Variants in STK32B observed in about 807,000 individuals in gnomAD.
STK32B encodes serine/threonine-protein kinase 32B.
A neutral mutation model predicts 52.6 loss-of-function variants in STK32B; 43 were observed. That is an observed-to-expected ratio of 0.82 (90% CI 0.64 to 1.05). The LOEUF is 1.05. Ranked by LOEUF, STK32B falls within the 50% of genes least tolerant of loss-of-function variation. The pLI, the probability that STK32B is intolerant of heterozygous loss-of-function variation, is 0.00. For missense variants in STK32B, 621 were observed against 534.6 expected, an observed-to-expected ratio of 1.16 and a Z score of -1.59; for synonymous variants, 238 against 204.3, an observed-to-expected ratio of 1.17 and a Z score of -1.41.
At chr4:5,335,163 T>C (rs1439815516) in intron 4 of STK32B, among the ~76,000 whole-genome samples, 1 of 152,242 alleles carries the variant, frequency 6.6e-6, no homozygotes, top group East Asian at 1.9e-4. Flanking sequence ...GATCCTGTTA[T>C]TGATCTATTC....
At position 5,331,291 on chromosome 4, in the gene STK32B, A is replaced by G. The variant is rs758265694; in HGVS notation, c.332A>G (p.His111Arg). The G allele has an allele frequency of 2.3e-5, 37 of 1,613,844 alleles. No individual in the cohort carries two copies. The highest frequency in any genetic ancestry group is 1.1e-5 in the Non-Finnish European group (13 of 1,179,928). Residue 111 changes from histidine (H) to arginine (R), a missense_variant, in exon 4 of 12, where the codon CAT becomes CGT. By Grantham distance (29) the His-to-Arg change is conservative. Transcript: ENST00000282908. ...DLLLGGDLRYHLQQNVHFTEG... is the reference protein window; with the variant it reads ...DLLLGGDLRYRLQQNVHFTEG... ...CTCCTGGGAGGCGACCTGCGCTACC[A>G]TCTGCAGCAGAATGTGCATTTCACA...
chr4:5,095,310 A>G (rs1213039830), intron 1 of STK32B, among the ~76,000 whole-genome samples: 1 of 152,088 alleles, frequency 6.6e-6, no homozygotes. Flanking sequence ...AATATAAATT[A>G]CCTTTTAAAA....
rs931246380 is a variant in STK32B, at chr4:5,176,359, C to T, written c.260+7909C>T. Among the ~76,000 whole-genome samples the T allele has an allele frequency of 1.4e-4, 21 of 151,236 alleles. 1 individual carries two copies. The highest frequency in any genetic ancestry group is 9.9e-4 in the Admixed American group (15 of 15,168). On this transcript the variant is annotated intron_variant, in intron 3 of 11. Coordinates refer to ENST00000282908, the MANE Select transcript of STK32B (RefSeq NM_018401.3). The stretch of plus-strand genomic sequence containing the variant: ...GTGAGATGAACCCGGTACCTCAGTT[C>T]GAAATGCAGAAATCACCGGTCTTCT...
chr4:5,177,885 G>A (rs937850211), intron 3 of STK32B, among the ~76,000 whole-genome samples: 1 of 152,242 alleles, frequency 6.6e-6, no homozygotes. Context: ...CTCTGCCTCT[G>A]TGGCTTTGCA....
rs1350299457 is a variant in STK32B, at chr4:5,202,873, C to A, written c.260+34423C>A. Reference sequence around the variant, plus strand: ...TGGAAGTGGATGACTGGGCATGGTGCCACATAAACATGGTGGGTGTCAACA... The same window carrying A: ...TGGAAGTGGATGACTGGGCATGGTGACACATAAACATGGTGGGTGTCAACA... On this transcript the variant is annotated intron_variant, in intron 3 of 11. Transcript: ENST00000282908. Among the ~76,000 whole-genome samples, 5 of 152,288 alleles carry A rather than the reference C, an allele frequency of 3.3e-5. No individual in the cohort carries two copies. In the South Asian group the frequency reaches 8.3e-4, roughly 25 times the overall value.
At chr4:5,207,636 G>A (rs1722654055) in intron 3 of STK32B, among the ~76,000 whole-genome samples, 1 of 151,868 alleles carries the variant, frequency 6.6e-6, no homozygotes, top group African/African-American at 2.4e-5. Context: ...AGAGACCAGA[G>A]AGGGAAAATA....
chr4:5,193,367 G>A (rs12506939), intron 3 of STK32B, among the ~76,000 whole-genome samples: 44,008 of 152,112 alleles, frequency 0.29, 7,269 homozygotes, highest in East Asian at 0.46. Context: ...CCTCAGCTTA[G>A]TAGATGAACA....
intron 3 of STK32B, among the ~76,000 whole-genome samples, chr4:5,222,122 C>G (rs897579729): frequency 1.3e-5 from 2 of 152,128 alleles, no homozygotes; most frequent in Non-Finnish European, 2.9e-5. Context: ...CTGCCAATGC[C>G]TTGGTCTTGG....
At position 5,151,475 on chromosome 4, in the gene STK32B, G is replaced by A. The variant is rs141072735; in HGVS notation, c.108+11515G>A. ...ATTTCATTGTTAAACTATGATAATA[G>A]CCTTGGTTATCAGGAAAGAACACAT... On this transcript the variant is annotated intron_variant, in intron 2 of 11. Coordinates refer to ENST00000282908, the MANE Select transcript of STK32B (RefSeq NM_018401.3). Among the ~76,000 whole-genome samples, 327 of 152,304 alleles carry A rather than the reference G, an allele frequency of 2.1e-3. 1 individual carries two copies. Among genetic ancestry groups the A allele is most frequent in the African/African-American group, 7.5e-3 (310 of 41,556 alleles).
At chr4:5,343,982 T>A (rs187312922) in intron 4 of STK32B, among the ~76,000 whole-genome samples, 1 of 152,216 alleles carries the variant, frequency 6.6e-6, no homozygotes. Flanking sequence ...AAAGCTATGA[T>A]TCATAGGAAA....
At chr4:5,019,700 C>G in the STK32B span, among the ~76,000 whole-genome samples, 1 of 151,962 alleles carries the variant, frequency 6.6e-6, no homozygotes, top group Non-Finnish European at 1.5e-5. Flanking sequence ...CCCACACTTT[C>G]AGCAAGAAAT....
intron 3 of STK32B, among the ~76,000 whole-genome samples, chr4:5,205,138 C>G (rs991750397): frequency 6.6e-6 from 1 of 152,190 alleles, no homozygotes; most frequent in African/African-American, 2.4e-5. Flanking sequence ...CTTGGACTTT[C>G]AGAGCTCCAG....
At chr4:5,244,110 G>A (rs1177630243) in intron 3 of STK32B, among the ~76,000 whole-genome samples, 2 of 152,106 alleles carry the variant, frequency 1.3e-5, no homozygotes, top group Admixed American at 1.3e-4. Context: ...AGTTAGGGAG[G>A]ATTCTGTCTT....
intron 3 of STK32B, among the ~76,000 whole-genome samples, chr4:5,315,946 C>G (rs1730650646): frequency 6.6e-6 from 1 of 150,698 alleles, no homozygotes; most frequent in East Asian, 1.9e-4. Flanking sequence ...CTCAGGTGAT[C>G]TGCCTGCCTC....
In STK32B at chr4:5,161,100, T is replaced by C. The variant is rs982462291; in HGVS notation, c.109-7199T>C. 2.6e-5 allele frequency among the ~76,000 whole-genome samples: 4 copies of C among 152,288 alleles called. No individual in the cohort carries two copies. In the South Asian group the frequency reaches 8.3e-4, roughly 32 times the overall value. On this transcript the variant is annotated intron_variant, in intron 2 of 11. Transcript: ENST00000282908. ...TCTGATTATCCCATTATACCTCGGGTTCCCAGGGGAGAGTGATGTCCTCAT... is the reference window on the plus strand; with the variant it reads ...TCTGATTATCCCATTATACCTCGGGCTCCCAGGGGAGAGTGATGTCCTCAT...
At chr4:5,125,819 T>C (rs747224) in intron 1 of STK32B, among the ~76,000 whole-genome samples, 83,410 of 152,060 alleles carry the variant, frequency 0.55, 23,638 homozygotes, top group African/African-American at 0.68. Context: ...TTCACTGCAT[T>C]TGTAACTCTG....
chr4:5,187,191 G>T (rs1427232598), intron 3 of STK32B, among the ~76,000 whole-genome samples: 1 of 152,138 alleles, frequency 6.6e-6, no homozygotes, highest in Non-Finnish European at 1.5e-5. Context: ...CAGACCTGTG[G>T]GCTGTGTGTG....
At chr4:5,290,285 A>G in intron 3 of STK32B, among the ~76,000 whole-genome samples, 1 of 151,738 alleles carries the variant, frequency 6.6e-6, no homozygotes, top group East Asian at 1.9e-4. Context: ...ACTTTTAAAT[A>G]TTTTAAATTT....
rs544484036 is a variant in STK32B, at chr4:5,479,087, TTTTTTGTTGG to T, written c.1106+11026_1106+11035del. Among the ~76,000 whole-genome samples the T allele has an allele frequency of 7.6e-3, 1,151 of 151,168 alleles. 8 individuals carry two copies. Among genetic ancestry groups the T allele is most frequent in the Non-Finnish European group, 0.013 (904 of 67,902 alleles). On this transcript the variant is annotated intron_variant, in intron 11 of 11. Coordinates refer to ENST00000282908, the MANE Select transcript of STK32B (RefSeq NM_018401.3). ...AGTTTTTTCTTTTTCTTTGTTCTTG[TTTTTTGTTGG>T]TTTTTGTTTGTTTGTTTTTGTTTTT...
Sources: allele counts gnomAD v4.1 joint callset (sites outside exome capture counted in the v4.1 genomes callset), GRCh38; gene constraint gnomAD v4.1.1; transcripts MANE v1.5; gene names NCBI Gene and HGNC (gene_info 2026-07-23, HGNC 2026-07-21).